DPP8: variants seen among roughly 807,000 people sequenced by gnomAD.
DPP8 encodes dipeptidyl peptidase 8, also known as DPP VIII.
In DPP8, 31 loss-of-function variants were observed where a neutral mutation model predicts 107.5. The ratio of observed to expected loss-of-function variants is 0.29; its 90% confidence interval spans 0.22 to 0.39. The LOEUF is 0.39. Among genes scored for constraint, DPP8 ranks in the 10% least tolerant of loss-of-function variants. The pLI is 1.00. For synonymous variants in DPP8, 381 were observed against 356.6 expected (o/e 1.07, Z -0.77); for missense variants, 842 against 1,076.1 (o/e 0.78, Z 3.04).
At chr15:65,449,039 C>T (rs2063768488) in intron 19 of DPP8, among the ~76,000 whole-genome samples, 1 of 142,516 alleles carries the variant, frequency 7.0e-6, no homozygotes, top group Non-Finnish European at 1.5e-5. Flanking sequence ...GAAACCCTGT[C>T]TCTACTAAAA....
At chr15:65,464,683 C>T (rs1348350528) in intron 14 of DPP8, among the ~76,000 whole-genome samples, 1 of 152,170 alleles carries the variant, frequency 6.6e-6, no homozygotes, top group Non-Finnish European at 1.5e-5. Context: ...GAACAAGACA[C>T]TGTCTCGACA....
chr15:65,472,795 T>G (rs2066010660), intron 12 of DPP8, among the ~76,000 whole-genome samples: 1 of 152,144 alleles, frequency 6.6e-6, no homozygotes, highest in South Asian at 2.1e-4. Flanking sequence ...ACCTCAGCAC[T>G]TCAGGAGGCC....
At chr15:65,474,144 C>A (rs761841303) in intron 12 of DPP8, 65 bp downstream of exon 12, 6 of 1,167,666 alleles carry the variant, frequency 5.1e-6, no homozygotes, top group East Asian at 2.3e-5. Context: ...TTACATTACT[C>A]ATTTTTAGCA....
intron 1 of DPP8, among the ~76,000 whole-genome samples, chr15:65,514,491 C>A (rs1308345548): frequency 1.3e-5 from 2 of 152,054 alleles, no homozygotes; most frequent in Non-Finnish European, 2.9e-5. Context: ...GTCAACGGAA[C>A]CAGTTTTGTT....
At chr15:65,465,193 A>T in intron 14 of DPP8, among the ~76,000 whole-genome samples, 1 of 140,928 alleles carries the variant, frequency 7.1e-6, no homozygotes. Flanking sequence ...TTTGAGACAG[A>T]GTTTCACTCT....
intron 15 of DPP8, among the ~76,000 whole-genome samples, chr15:65,461,606 G>GT (rs2064930021): frequency 7.0e-6 from 1 of 142,674 alleles, no homozygotes; most frequent in East Asian, 3.2e-4. Flanking sequence ...TTTCTATTAA[G>GT]CCTTTTTTTT....
At chr15:65,504,428 T>C (rs1043481284) in intron 3 of DPP8, among the ~76,000 whole-genome samples, 16 of 150,062 alleles carry the variant, frequency 1.1e-4, no homozygotes, top group African/African-American at 2.7e-4. Context: ...TTCCAGCACA[T>C]TGGGAGGCTG....
chr15:65,463,169 T>C (rs1345215448), intron 15 of DPP8, among the ~76,000 whole-genome samples: 1 of 152,164 alleles, frequency 6.6e-6, no homozygotes, highest in Non-Finnish European at 1.5e-5. Flanking sequence ...TTTCTCTACA[T>C]AGAAAGCAAC....
chr15:65,464,755 G>A (rs756091115), intron 14 of DPP8, among the ~76,000 whole-genome samples: 2 of 152,156 alleles, frequency 1.3e-5, no homozygotes, highest in Non-Finnish European at 1.5e-5. Flanking sequence ...TATTTCAGAA[G>A]CAGACACAGA....
chr15:65,499,054 T>C (rs1282757674), intron 4 of DPP8, among the ~76,000 whole-genome samples: 1 of 140,960 alleles, frequency 7.1e-6, no homozygotes, highest in African/African-American at 2.7e-5. Context: ...AGACTTTGTC[T>C]CCCCCCCAAA....
chr15:65,489,202 G>A (rs1244982524), intron 6 of DPP8, among the ~76,000 whole-genome samples: 6 of 151,552 alleles, frequency 4.0e-5, no homozygotes, highest in Non-Finnish European at 8.8e-5. Flanking sequence ...CTCATGATCC[G>A]CCCGCCTTGG....
chr15:65,473,303 C>T (rs1471065683), intron 12 of DPP8, among the ~76,000 whole-genome samples: 1 of 140,132 alleles, frequency 7.1e-6, no homozygotes, highest in African/African-American at 2.8e-5. Flanking sequence ...CCAACCTGGG[C>T]GACAGAGTGA....
At chr15:65,475,737 CA>C in intron 11 of DPP8, 1 of 481,752 alleles carries the variant, frequency 2.1e-6, no homozygotes, top group Non-Finnish European at 3.8e-6. Flanking sequence ...TAGCAAATGT[CA>C]ACATGCCCCA....
chr15:65,481,387 A>T, intron 9 of DPP8, 128 bp downstream of exon 9: 1 of 668,278 alleles, frequency 1.5e-6, no homozygotes. Context: ...TGCCTTGTGT[A>T]GTAATAACTG....
At chr15:65,490,528 T>C (rs926355944) in intron 5 of DPP8, among the ~76,000 whole-genome samples, 6 of 146,640 alleles carry the variant, frequency 4.1e-5, no homozygotes, top group Non-Finnish European at 1.5e-5. Flanking sequence ...CCTTGTGAGG[T>C]TGATATGAAG....
At chr15:65,471,699 G>A (rs922771745) in intron 12 of DPP8, among the ~76,000 whole-genome samples, 2 of 151,960 alleles carry the variant, frequency 1.3e-5, no homozygotes, top group Non-Finnish European at 2.9e-5. Flanking sequence ...TGTTGTCCAG[G>A]CTGGTATCTA....
chr15:65,516,059 GAA>G (rs1475259317), intron 1 of DPP8: 4 of 373,718 alleles, frequency 1.1e-5, no homozygotes, highest in Non-Finnish European at 1.9e-5. Flanking sequence ...GAAAACCATG[GAA>G]AGGCTTTAAA....
intron 7 of DPP8, among the ~76,000 whole-genome samples, chr15:65,486,165 A>C (rs2067409563): frequency 6.7e-6 from 1 of 149,696 alleles, no homozygotes; most frequent in African/African-American, 2.5e-5. Flanking sequence ...GCACTTTGGG[A>C]GGCTGAGGCA....
chr15:65,486,796 A>G (rs2067484252), intron 7 of DPP8, among the ~76,000 whole-genome samples: 1 of 152,168 alleles, frequency 6.6e-6, no homozygotes, highest in Non-Finnish European at 1.5e-5. Context: ...ACACAAAGGC[A>G]TAAGAATGAT....
Sources: gnomAD v4.1 joint callset for allele counts (sites outside exome capture counted in the v4.1 genomes callset) on GRCh38, gnomAD v4.1.1 for gene constraint, MANE v1.5 for transcripts, NCBI Gene and HGNC (gene_info 2026-07-23, HGNC 2026-07-21) for gene names.